SPATA16: variants seen among roughly 807,000 people sequenced by gnomAD.
SPATA16 encodes the protein spermatogenesis-associated protein 16.
SPATA16 carries 36 observed loss-of-function variants against 63.3 expected under a neutral mutation model. The observed-to-expected ratio is 0.57, with a 90% CI of 0.44 to 0.75. The LOEUF is 0.75. SPATA16 is among the 30% of genes least tolerant of loss of function. The pLI is 0.00. For missense variants in SPATA16, 646 were observed against 679.3 expected (o/e 0.95, Z 0.54); for synonymous variants, 203 against 216.7 (o/e 0.94, Z 0.56).
chr3:173,111,342 AG>A (rs1737745291), intron 2 of SPATA16, among the ~76,000 whole-genome samples: 1 of 152,086 alleles, frequency 6.6e-6, no homozygotes, highest in African/African-American at 2.4e-5. Context: ...CCCAGGAGGC[AG>A]AGCTTACAGT....
intron 3 of SPATA16, among the ~76,000 whole-genome samples, chr3:173,021,722 T>TTTA (rs1735335234): frequency 1.1e-4 from 16 of 139,656 alleles, no homozygotes; most frequent in African/African-American, 2.9e-4. Context: ...CCCTATTACT[T>TTTA]TTTATTTATT....
chr3:172,889,787 A>G, intron 10 of SPATA16, 95 bp from the exon 11 acceptor site: 1 of 1,512,706 alleles, frequency 6.6e-7, no homozygotes, highest in South Asian at 1.2e-5. Flanking sequence ...TAAATGGCAC[A>G]TACAAATCCA....
At chr3:173,122,340 A>G (rs1483573174) in intron 1 of SPATA16, among the ~76,000 whole-genome samples, 1 of 152,134 alleles carries the variant, frequency 6.6e-6, no homozygotes, top group African/African-American at 2.4e-5. Flanking sequence ...GGGAGTTTCT[A>G]TTGCTTCATA....
intron 5 of SPATA16, among the ~76,000 whole-genome samples, chr3:172,964,911 A>G (rs1733878542): frequency 6.6e-6 from 1 of 152,224 alleles, no homozygotes; most frequent in African/African-American, 2.4e-5. Context: ...TGGAGAACAA[A>G]TTAAAAAGAT....
intron 10 of SPATA16, among the ~76,000 whole-genome samples, chr3:172,890,573 C>CACTTACA (rs1389440441): frequency 2.0e-5 from 3 of 152,056 alleles, no homozygotes; most frequent in African/African-American, 7.2e-5. Flanking sequence ...AAGATAAAAG[C>CACTTACA]ACTTACAACT....
At chr3:172,917,229 T>C in intron 8 of SPATA16, among the ~76,000 whole-genome samples, 1 of 152,214 alleles carries the variant, frequency 6.6e-6, no homozygotes, top group African/African-American at 2.4e-5. Flanking sequence ...GACATTATCT[T>C]CTATAAAAAT....
At chr3:173,128,513 A>G (rs1001706545) in intron 1 of SPATA16, among the ~76,000 whole-genome samples, 12 of 152,256 alleles carry the variant, frequency 7.9e-5, no homozygotes, top group African/African-American at 2.6e-4. Context: ...TTGATTCAGC[A>G]TGTCTGGGGT....
intron 2 of SPATA16, among the ~76,000 whole-genome samples, chr3:173,074,986 C>G (rs1308174584): frequency 5.3e-4 from 56 of 106,040 alleles, no homozygotes; most frequent in African/African-American, 2.3e-3. Flanking sequence ...GAGCAAGACT[C>G]TATCTCAAAA....
At chr3:172,947,419 AC>A (rs140788637) in intron 6 of SPATA16, among the ~76,000 whole-genome samples, 13,290 of 152,202 alleles carry the variant, frequency 0.087, 1,940 homozygotes, top group African/African-American at 0.3. Flanking sequence ...GATTTCCTTT[AC>A]GTAATGTATG....
Position 173,117,678 on chromosome 3 carries a change from A to G in SPATA16, c.54T>C (p.His18=). The part of the protein sequence containing the change: ...SLENAVNRIY[H]DQLVPKINTS... ...TGTTTATCTTTGGAACAAGCTGATC[A>G]TGATAGATCCTATTCACTGCATTCT... The change falls in exon 2 of 11, where the codon CAT becomes CAC. Residue 18 remains histidine, a synonymous_variant. Coordinates refer to ENST00000351008, the MANE Select transcript of SPATA16 (RefSeq NM_031955.6). 1 of 1,614,158 alleles carries G rather than the reference A, an allele frequency of 6.2e-7. No homozygotes were observed. The highest frequency in any genetic ancestry group is 2.2e-5 in the East Asian group (1 of 44,882).
chr3:173,092,911 G>A (rs1737257405), intron 2 of SPATA16, among the ~76,000 whole-genome samples: 1 of 151,898 alleles, frequency 6.6e-6, no homozygotes, highest in African/African-American at 2.4e-5. Flanking sequence ...TTTTCTGAGA[G>A]TTCCTGTCTT....
intron 10 of SPATA16, among the ~76,000 whole-genome samples, chr3:172,912,530 T>C (rs1202093362): frequency 6.6e-6 from 1 of 152,090 alleles, no homozygotes; most frequent in East Asian, 1.9e-4. Flanking sequence ...TATTTTCTTC[T>C]GCTTTTGCCA....
At chr3:173,044,841 G>T (rs1369343959) in intron 3 of SPATA16, among the ~76,000 whole-genome samples, 1 of 152,012 alleles carries the variant, frequency 6.6e-6, no homozygotes, top group African/African-American at 2.4e-5. Context: ...AAGCTTAGTT[G>T]TATTTTTTGT....
At position 173,014,864 on chromosome 3, in the gene SPATA16, A is replaced by G. The variant is rs539459775; in HGVS notation, c.848+4622T>C. Among the ~76,000 whole-genome samples, 3 of 152,224 alleles carry G rather than the reference A, an allele frequency of 2.0e-5. No individual in the cohort carries two copies. The East Asian group carries it at 5.8e-4, about 29-fold the overall frequency. ...TCACTATCACAGGTATCTAGTTTGA[A>G]AGATTAATTTTATGGTCACTTTAGT... On this transcript the variant is annotated intron_variant, in intron 4 of 10. Coordinates refer to ENST00000351008, the MANE Select transcript of SPATA16 (RefSeq NM_031955.6).
chr3:173,013,099 T>C (rs1204249099), intron 4 of SPATA16, among the ~76,000 whole-genome samples: 1 of 152,050 alleles, frequency 6.6e-6, no homozygotes, highest in East Asian at 1.9e-4. Context: ...CATTAAAAAT[T>C]AGGCAAAGAA....
chr3:173,073,043 G>A (rs1318796477), intron 2 of SPATA16, among the ~76,000 whole-genome samples: 1 of 152,180 alleles, frequency 6.6e-6, no homozygotes, highest in Non-Finnish European at 1.5e-5. Flanking sequence ...GAGACTGGCA[G>A]CATTTTGCCA....
intron 1 of SPATA16, among the ~76,000 whole-genome samples, chr3:173,140,860 C>T (rs1044701116): frequency 1.3e-5 from 2 of 152,150 alleles, no homozygotes; most frequent in East Asian, 1.9e-4. Flanking sequence ...TGACCCGGTG[C>T]AGCGGACAGG....
At chr3:173,023,943 T>G (rs1339818885) in intron 3 of SPATA16, among the ~76,000 whole-genome samples, 1 of 150,644 alleles carries the variant, frequency 6.6e-6, no homozygotes, top group Non-Finnish European at 1.5e-5. Context: ...ATAAATATAT[T>G]ACTATGAATA....
intron 3 of SPATA16, among the ~76,000 whole-genome samples, chr3:173,043,584 A>C (rs1036669676): frequency 1.3e-5 from 2 of 151,982 alleles, no homozygotes; most frequent in Admixed American, 6.6e-5. Context: ...ACAGTCTTTT[A>C]TATTTACCAT....
Sources: gnomAD v4.1 joint callset for allele counts (sites outside exome capture counted in the v4.1 genomes callset) on GRCh38, gnomAD v4.1.1 for gene constraint, MANE v1.5 for transcripts, NCBI Gene and HGNC (gene_info 2026-07-23, HGNC 2026-07-21) for gene names.